CDH23: variants seen among roughly 807,000 people sequenced by gnomAD.
The protein encoded by CDH23 is cadherin related 23.
A neutral mutation model predicts 317.1 loss-of-function variants in CDH23; 189 were observed. That is an observed-to-expected ratio of 0.60 (90% CI 0.53 to 0.67). The LOEUF (loss-of-function observed/expected upper bound fraction) is 0.67, where lower values mean the gene tolerates loss of function less well. Ranked by LOEUF, CDH23 falls within the 30% of genes least tolerant of loss-of-function variation. The probability of loss-of-function intolerance (pLI) is 0.00; values close to 1 mark genes in which losing one functional copy is unlikely to be tolerated. For missense variants in CDH23, 4,401 were observed against 4,592.4 expected (o/e 0.96, Z 1.20); for synonymous variants, 1,839 against 1,876.8 (o/e 0.98, Z 0.52).
intron 3 of CDH23, chr10:71,508,474 A>G (rs1853767376): frequency 6.6e-6 from 1 of 152,224 alleles, no homozygotes; most frequent in Non-Finnish European, 1.5e-5. Context: ...GGGGAATTGC[A>G]TTATGGACTG....
chr10:71,772,948 G>C (rs144399939), intron 38 of CDH23, among the ~76,000 whole-genome samples: 33 of 152,350 alleles, frequency 2.2e-4, no homozygotes, highest in Non-Finnish European at 3.5e-4. Flanking sequence ...CAACACTAGA[G>C]CCCTGAGACT....
chr10:71,613,147 C>A (rs1331295223), intron 9 of CDH23, among the ~76,000 whole-genome samples: 3 of 152,228 alleles, frequency 2.0e-5, no homozygotes, highest in Admixed American at 2.0e-4. Flanking sequence ...CCGCGCCCAG[C>A]CTGTATGCTC....
intron 6 of CDH23, among the ~76,000 whole-genome samples, chr10:71,521,537 C>T (rs1843117933): frequency 2.0e-5 from 3 of 152,312 alleles, no homozygotes; most frequent in Middle Eastern, 3.4e-3. Flanking sequence ...TTTGTTCCTG[C>T]GGTGCCCTCC....
intron 3 of CDH23, among the ~76,000 whole-genome samples, chr10:71,487,041 GC>G (rs1457400174): frequency 1.4e-4 from 22 of 152,090 alleles, no homozygotes; most frequent in Non-Finnish European, 2.8e-4. Flanking sequence ...TCCCCTGTTG[GC>G]CTCCCCCACC....
intron 3 of CDH23, among the ~76,000 whole-genome samples, chr10:71,449,805 A>T (rs1564587488): frequency 6.6e-6 from 1 of 152,200 alleles, no homozygotes. Context: ...ACAGGGGGCC[A>T]GTGGCCTGGG....
chr10:71,739,842 C>T, intron 36 of CDH23, 70 bp downstream of exon 36: 2 of 1,484,216 alleles, frequency 1.3e-6, no homozygotes, highest in South Asian at 2.6e-5. Context: ...ACTCTCCATC[C>T]AGGAGAGAGC....
At chr10:71,759,530 C>T (rs1187632391) in intron 38 of CDH23, among the ~76,000 whole-genome samples, 2 of 151,572 alleles carry the variant, frequency 1.3e-5, no homozygotes, top group Non-Finnish European at 2.9e-5. Context: ...ATTCCTGAGG[C>T]CAGGCGTGGT....
At chr10:71,806,645 C>T (rs1466424739) in intron 57 of CDH23, among the ~76,000 whole-genome samples, 1 of 150,928 alleles carries the variant, frequency 6.6e-6, no homozygotes, top group Non-Finnish European at 1.5e-5. Flanking sequence ...AGTGGCATGA[C>T]CTTGACTCAC....
chr10:71,682,536 T>C lies in CDH23; in HGVS notation c.1950T>C (p.Pro650=). Residue 650 remains proline (P), a synonymous_variant, in exon 18 of 70, where the codon CCT becomes CCC. Coordinates refer to ENST00000224721, the MANE Select transcript of CDH23 (RefSeq NM_022124.6). The part of the protein sequence containing the change: ...TVMAMDAGNP[P]LNSTVPVTIE... The stretch of plus-strand genomic sequence containing the variant: ...TGGCCATGGATGCTGGCAACCCCCC[T>C]CTCAACAGCACCGTCCCTGTCACCA... The C allele has an allele frequency of 1.2e-6, 2 of 1,613,664 alleles. No individual in the cohort carries two copies. The highest frequency in any genetic ancestry group is 1.7e-6 in the Non-Finnish European group (2 of 1,179,786).
chr10:71,427,076 A>G (rs755547905), intron 1 of CDH23, among the ~76,000 whole-genome samples: 17 of 150,694 alleles, frequency 1.1e-4, no homozygotes, highest in South Asian at 6.4e-4. Context: ...GCTTGAGCCC[A>G]GGAGGTTGAG....
chr10:71,428,823 T>G (rs1257428563), intron 1 of CDH23, among the ~76,000 whole-genome samples: 1 of 151,650 alleles, frequency 6.6e-6, no homozygotes, highest in Non-Finnish European at 1.5e-5. Context: ...CTCCTGACCT[T>G]GGGCAATCTG....
At chr10:71,438,752 C>T (rs1289268907) in intron 1 of CDH23, among the ~76,000 whole-genome samples, 1 of 152,228 alleles carries the variant, frequency 6.6e-6, no homozygotes, top group Non-Finnish European at 1.5e-5. Flanking sequence ...TTGATGCTGG[C>T]TCTGCTCTCT....
chr10:71,803,040 G>C lies in CDH23; in HGVS notation c.7625G>C (p.Gly2542Ala). The C allele has an allele frequency of 6.2e-7, 1 of 1,613,730 alleles. No individual in the cohort carries two copies. Among genetic ancestry groups the C allele is most frequent in the African/African-American group, 1.3e-5 (1 of 75,056 alleles). ...MATDQDEGPN[G>A]ELTYSLEGPG... ...ACTGACCAGGATGAAGGTCCCAATG[G>C]AGAGTTGACCTACTCACTTGAGGGC... The change falls in exon 54 of 70, where the codon GGA (glycine) becomes GCA (alanine). Residue 2542 changes from glycine to alanine, a missense_variant. Gly to Ala is a moderately conservative substitution (Grantham distance 60). Transcript: ENST00000224721.
At chr10:71,790,619 T>A (rs1296123224) in intron 46 of CDH23, 6 of 635,774 alleles carry the variant, frequency 9.4e-6, no homozygotes, top group East Asian at 2.9e-5. Flanking sequence ...TTGGAGACGA[T>A]ACACAGGACC....
At chr10:71,524,647 G>A (rs991202342) in intron 6 of CDH23, among the ~76,000 whole-genome samples, 13 of 152,142 alleles carry the variant, frequency 8.5e-5, no homozygotes, top group East Asian at 1.9e-4. Context: ...GGGATTTTGC[G>A]GTTAAGGACC....
chr10:71,782,814 A>G (rs530910717), intron 41 of CDH23, among the ~76,000 whole-genome samples: 1 of 152,362 alleles, frequency 6.6e-6, no homozygotes, highest in South Asian at 2.1e-4. Flanking sequence ...TCCTGCTTTA[A>G]GCAGCTTCCA....
At chr10:71,695,332 G>A in intron 21 of CDH23, 86 bp from the exon 22 acceptor site, 1 of 919,362 alleles carries the variant, frequency 1.1e-6, no homozygotes, top group Non-Finnish European at 1.8e-6. Flanking sequence ...ATTGCCCGTG[G>A]GCATCTGAGC....
intron 38 of CDH23, among the ~76,000 whole-genome samples, chr10:71,752,422 C>T (rs556100126): frequency 5.9e-5 from 9 of 152,278 alleles, no homozygotes; most frequent in South Asian, 4.1e-4. Flanking sequence ...TTGCAGGTAC[C>T]GGGGCAGGAA....
At chr10:71,645,688 C>T (rs774903363) in intron 12 of CDH23, 143 bp from the exon 13 acceptor site, 3 of 928,164 alleles carry the variant, frequency 3.2e-6, no homozygotes, top group African/African-American at 1.6e-5. Flanking sequence ...CTGGGAAAGC[C>T]CTGCTCTGTC....
Sources: allele counts gnomAD v4.1 joint callset (sites outside exome capture counted in the v4.1 genomes callset), GRCh38; gene constraint gnomAD v4.1.1; transcripts MANE v1.5; gene names NCBI Gene and HGNC (gene_info 2026-07-23, HGNC 2026-07-21).